Variants in PEAK1 observed in about 807,000 individuals in gnomAD.
PEAK1 encodes pseudopodium enriched atypical kinase 1, also known as inactive tyrosine-protein kinase PEAK1.
Under a neutral mutation model 124.7 loss-of-function variants are expected in PEAK1, and 54 were observed. That is an observed-to-expected ratio of 0.43 (90% CI 0.35 to 0.54). The LOEUF (loss-of-function observed/expected upper bound fraction) is 0.54, where lower values mean the gene tolerates loss of function less well. PEAK1 is among the 20% of genes least tolerant of loss of function. The probability of loss-of-function intolerance (pLI) is 0.01; values close to 1 mark genes in which losing one functional copy is unlikely to be tolerated. For synonymous variants in PEAK1, 719 were observed against 760.0 expected (o/e 0.95, Z 0.89); for missense variants, 2,046 against 2,134.5 (o/e 0.96, Z 0.82).
At chr15:77,312,875 G>A (rs2064567417) in intron 2 of PEAK1, among the ~76,000 whole-genome samples, 1 of 152,186 alleles carries the variant, frequency 6.6e-6, no homozygotes, top group Admixed American at 6.5e-5. Flanking sequence ...ATGTCTAAAG[G>A]GAGAAGGAAG....
In PEAK1 at chr15:77,133,671, T is replaced by C. The variant is rs528175387; in HGVS notation, c.3411A>G (p.Gly1137=). Residue 1137 remains glycine, a synonymous_variant, in exon 9 of 10, where the codon GGA becomes GGG. Coordinates refer to ENST00000682557, the MANE Select transcript of PEAK1 (RefSeq NM_001385026.1). This position sits in a 1 kb window ranked among gnomAD's most constrained non-coding sequence, Gnocchi z 4.2. ...KGAVDDAIAF[G]GKTDQEAPNA... ...TGGGTGCTTCTTGGTCTGTTTTCCC[T>C]CCAAAGGCGATGGCATCGTCCACAG... is the stretch of plus-strand genomic sequence containing the variant. 1.0e-4 allele frequency: 167 copies of C among 1,614,108 alleles called. No homozygotes were observed. Among genetic ancestry groups the C allele is most frequent in the Admixed American group, 9.0e-4 (54 of 60,022 alleles).
intron 5 of PEAK1, among the ~76,000 whole-genome samples, chr15:77,260,088 G>A (rs2061361566): frequency 6.6e-6 from 1 of 152,064 alleles, no homozygotes. Context: ...GCTGACATAG[G>A]ACCAAGAATT....
intron 8 of PEAK1, chr15:77,157,591 A>G (rs2055267324): frequency 6.6e-6 from 1 of 152,252 alleles, no homozygotes; most frequent in African/African-American, 2.4e-5. Flanking sequence ...AATATCTCTG[A>G]GAGATGGTCC....
chr15:77,282,736 T>C (rs905532754), intron 5 of PEAK1, among the ~76,000 whole-genome samples: 5 of 152,214 alleles, frequency 3.3e-5, no homozygotes, highest in African/African-American at 1.2e-4. Context: ...CAGTAGTCCT[T>C]AAAATGACTA....
In PEAK1 at chr15:77,133,688, C is replaced by T. The variant is rs577511345; in HGVS notation, c.3394G>A (p.Asp1132Asn). Reference protein sequence around the residue: ...QPRQPKGAVDDAIAFGGKTDQ... With the variant: ...QPRQPKGAVDNAIAFGGKTDQ... ...GTTTTCCCTCCAAAGGCGATGGCAT[C>T]GTCCACAGCTCCCTTGGGCTGTCGT... The change falls in exon 9 of 10, where the codon GAT (aspartate) becomes AAT (asparagine). Residue 1132 changes from aspartate to asparagine, a missense_variant. Physicochemically the swap from Asp to Asn is conservative, Grantham distance 23 (BLOSUM62 1). Coordinates refer to ENST00000682557, the MANE Select transcript of PEAK1 (RefSeq NM_001385026.1). The surrounding 1 kb of genome is among the most constrained non-coding windows in gnomAD (Gnocchi z 4.2). 6 of 1,613,990 alleles carry T rather than the reference C, an allele frequency of 3.7e-6. No homozygotes were observed. Among genetic ancestry groups the T allele is most frequent in the Middle Eastern group, 1.6e-4 (1 of 6,062 alleles).
intron 7 of PEAK1, among the ~76,000 whole-genome samples, chr15:77,175,625 A>T (rs1191540519): frequency 6.6e-6 from 1 of 152,204 alleles, no homozygotes. Context: ...GAGGATGTGG[A>T]GAAACAGGAA....
At chr15:77,365,741 T>TTAAA (rs1391922114) in intron 1 of PEAK1, among the ~76,000 whole-genome samples, 3 of 80,830 alleles carry the variant, frequency 3.7e-5, no homozygotes, top group African/African-American at 1.5e-4. Flanking sequence ...CTCCATCTCA[T>TTAAA]AAAAAAAAAA....
chr15:77,162,964 A>G (rs1163163299), intron 7 of PEAK1, among the ~76,000 whole-genome samples: 1 of 152,204 alleles, frequency 6.6e-6, no homozygotes, highest in African/African-American at 2.4e-5. Flanking sequence ...CTATAAAACA[A>G]AATTGTTAAG....
At chr15:77,297,015 A>G (rs1164068167) in intron 2 of PEAK1, among the ~76,000 whole-genome samples, 1 of 151,838 alleles carries the variant, frequency 6.6e-6, no homozygotes, top group Non-Finnish European at 1.5e-5. Context: ...AATTGGACTT[A>G]ATCAGAAGTA....
In PEAK1 at chr15:77,175,226, G is replaced by T. The variant is rs535391857; in HGVS notation, c.3137+3564C>A. On this transcript the variant is annotated intron_variant, in intron 7 of 9. Coordinates refer to ENST00000682557, the MANE Select transcript of PEAK1 (RefSeq NM_001385026.1). The stretch of plus-strand genomic sequence containing the variant: ...TCATGTCTAAAACACCAAAAGCAAT[G>T]GCAAGAAAAGCCAAAATTGACAAAT... Among the ~76,000 whole-genome samples the T allele has an allele frequency of 7.2e-5, 11 of 151,950 alleles. No homozygotes were observed. The East Asian group carries it at 2.1e-3, about 29-fold the overall frequency.
rs79659337 is a variant in PEAK1 at position 77,409,841 on chromosome 15, C to T, written c.-666+10165G>A. Among the ~76,000 whole-genome samples the T allele has an allele frequency of 4.9e-3, 746 of 152,210 alleles. 14 individuals are homozygous for T. The highest frequency in any genetic ancestry group is 0.017 in the African/African-American group (710 of 41,522). On this transcript the variant is annotated intron_variant, in intron 1 of 9. Transcript: ENST00000682557. Reference sequence around the variant, plus strand: ...ATATTCTAATTTCACCTCACAACCCCATAAAGTAAGTACAAGTATTATCCT... The same window carrying T: ...ATATTCTAATTTCACCTCACAACCCTATAAAGTAAGTACAAGTATTATCCT...
At chr15:77,389,845 G>A (rs1452251955) in intron 1 of PEAK1, among the ~76,000 whole-genome samples, 1 of 152,200 alleles carries the variant, frequency 6.6e-6, no homozygotes, top group Non-Finnish European at 1.5e-5. Flanking sequence ...AAGGTTTACA[G>A]TGTATTTCAA....
rs748338357 is a variant in PEAK1, at chr15:77,115,280, G to A, written c.4117C>T (p.His1373Tyr). 11 of 1,614,082 alleles carry A rather than the reference G, an allele frequency of 6.8e-6. No homozygotes were observed. The highest frequency in any genetic ancestry group is 4.5e-5 in the East Asian group (2 of 44,868). Reference sequence around the variant, plus strand: ...AGACTCTGCCGGACAGCCAAGCTGTGATAATACTGCTGAGATTCTTTAGCT... The same window carrying A: ...AGACTCTGCCGGACAGCCAAGCTGTAATAATACTGCTGAGATTCTTTAGCT... ...SKAKESQQYYHSLAVRQSLAV... is the reference protein window; with the variant it reads ...SKAKESQQYYYSLAVRQSLAV... The change falls in exon 10 of 10, where the codon CAC (histidine) becomes TAC (tyrosine). Residue 1373 changes from histidine to tyrosine, a missense_variant. Coordinates refer to ENST00000682557, the MANE Select transcript of PEAK1 (RefSeq NM_001385026.1).
At chr15:77,136,534 C>A (rs943265256) in intron 8 of PEAK1, among the ~76,000 whole-genome samples, 41 of 152,040 alleles carry the variant, frequency 2.7e-4, no homozygotes, top group African/African-American at 8.7e-4. Flanking sequence ...GGTGTGGTGG[C>A]AGACACCTGT....
intron 1 of PEAK1, among the ~76,000 whole-genome samples, chr15:77,413,560 T>A (rs2072586473): frequency 1.3e-5 from 2 of 152,056 alleles, no homozygotes; most frequent in African/African-American, 4.8e-5. Flanking sequence ...ACAAAATACT[T>A]GTGTCAAGGT....
intron 6 of PEAK1, among the ~76,000 whole-genome samples, chr15:77,187,550 G>T (rs1317116788): frequency 6.6e-6 from 1 of 152,200 alleles, no homozygotes; most frequent in East Asian, 1.9e-4. Flanking sequence ...GTGAAGAAAA[G>T]GAAAGTGTGT....
At chr15:77,226,052 TATATATATA>T (rs1317602275) in intron 6 of PEAK1, among the ~76,000 whole-genome samples, 3 of 59,762 alleles carry the variant, frequency 5.0e-5, no homozygotes. Context: ...GGGATATATA[TATATATATA>T]TATATATATA....
At chr15:77,275,093 C>T (rs187578498) in intron 5 of PEAK1, among the ~76,000 whole-genome samples, 6 of 152,256 alleles carry the variant, frequency 3.9e-5, no homozygotes, top group African/African-American at 1.4e-4. Flanking sequence ...TATGTTCTCA[C>T]TCATAAGTGG....
chr15:77,143,976 G>A (rs1234550383), intron 8 of PEAK1, among the ~76,000 whole-genome samples: 1 of 152,208 alleles, frequency 6.6e-6, no homozygotes, highest in Non-Finnish European at 1.5e-5. Context: ...GGGCAGCCAT[G>A]TTCTGCCCAT....
Sources: gnomAD v4.1 joint callset for allele counts (sites outside exome capture counted in the v4.1 genomes callset) on GRCh38, gnomAD v4.1.1 for gene constraint, Gnocchi (gnomAD v3.1) non-coding constraint, MANE v1.5 for transcripts, NCBI Gene and HGNC (gene_info 2026-07-23, HGNC 2026-07-21) for gene names.